The following CLSTN2 variants were observed in gnomAD, a reference collection of about 807,000 sequenced individuals.
CLSTN2 encodes the protein calsyntenin-2.
Under a neutral mutation model 101.2 loss-of-function variants are expected in CLSTN2, and 48 were observed. The observed-to-expected ratio is 0.47, with a 90% CI of 0.38 to 0.60. CLSTN2 has a LOEUF of 0.60. Ranked by LOEUF, CLSTN2 falls within the 20% of genes least tolerant of loss-of-function variation. The pLI, the probability that CLSTN2 is intolerant of heterozygous loss-of-function variation, is 0.00. For missense variants in CLSTN2, 1,160 were observed against 1,238.2 expected, an observed-to-expected ratio of 0.94 and a Z score of 0.95; for synonymous variants, 481 against 463.6, an observed-to-expected ratio of 1.04 and a Z score of -0.48.
intron 1 of CLSTN2, among the ~76,000 whole-genome samples, chr3:139,986,503 G>T (rs1452216935): frequency 6.6e-6 from 1 of 152,156 alleles, no homozygotes; most frequent in Admixed American, 6.6e-5. Flanking sequence ...GAGGGTGTTT[G>T]TTCAGTGCAA....
At chr3:140,308,841 TC>T (rs1156653752) in intron 2 of CLSTN2, among the ~76,000 whole-genome samples, 1 of 152,114 alleles carries the variant, frequency 6.6e-6, no homozygotes, top group East Asian at 1.9e-4. Context: ...CTTCCCATCC[TC>T]CCCCATTCTG....
chr3:140,509,496 A>G (rs1331839081), intron 8 of CLSTN2, among the ~76,000 whole-genome samples: 1 of 152,222 alleles, frequency 6.6e-6, no homozygotes, highest in Non-Finnish European at 1.5e-5. Context: ...TCCTGCTGAA[A>G]GAAGCCTGAT....
chr3:140,285,403 G>A (rs770012580), intron 2 of CLSTN2, among the ~76,000 whole-genome samples: 10 of 152,112 alleles, frequency 6.6e-5, no homozygotes, highest in African/African-American at 1.2e-4. Context: ...ATGCCCTCAC[G>A]CTTCAGGTCG....
chr3:140,404,501 G>T lies in CLSTN2; in HGVS notation c.429-57G>T, dbSNP rs1050964638. On this transcript the variant is annotated intron_variant, in intron 3 of 16. Transcript: ENST00000458420. ...CAGTCAGTGCCCCCAGGAGGTACAG[G>T]AGGTTGGTGTGACTCTTTCTTTACC... The T allele has an allele frequency of 9.8e-5, 148 of 1,514,206 alleles. No individual in the cohort carries two copies. In the African/African-American group the frequency reaches 1.6e-3, roughly 16 times the overall value. 93.8% of individuals were successfully genotyped at this position (1,514,206 alleles called of 1,614,324 possible).
intron 1 of CLSTN2, among the ~76,000 whole-genome samples, chr3:140,074,998 A>G (rs759322382): frequency 1.6e-4 from 24 of 152,176 alleles, no homozygotes; most frequent in Admixed American, 8.5e-4. Flanking sequence ...ATCCTGAAGT[A>G]GAGGCCAAGG....
intron 5 of CLSTN2, among the ~76,000 whole-genome samples, chr3:140,439,247 C>A (rs894452068): frequency 6.6e-6 from 1 of 152,260 alleles, no homozygotes; most frequent in African/African-American, 2.4e-5. Flanking sequence ...TGTCTTTACA[C>A]ACTGCCCTTA....
chr3:140,273,860 T>A (rs2086767612), intron 2 of CLSTN2, among the ~76,000 whole-genome samples: 1 of 152,106 alleles, frequency 6.6e-6, no homozygotes, highest in Non-Finnish European at 1.5e-5. Context: ...AGAATGTCCT[T>A]ACCTACTATG....
intron 1 of CLSTN2, among the ~76,000 whole-genome samples, chr3:139,997,393 T>C (rs1425236568): frequency 6.6e-6 from 1 of 152,220 alleles, no homozygotes; most frequent in Non-Finnish European, 1.5e-5. Flanking sequence ...AAATATGAGA[T>C]AAAGATGCAA....
chr3:140,147,528 A>T (rs920282333), intron 1 of CLSTN2, among the ~76,000 whole-genome samples: 1 of 152,192 alleles, frequency 6.6e-6, no homozygotes, highest in Admixed American at 6.5e-5. Flanking sequence ...TATTTGTAGC[A>T]TGGGGCAGAG....
At chr3:140,451,573 GA>G (rs1421238554) in intron 6 of CLSTN2, among the ~76,000 whole-genome samples, 8 of 152,150 alleles carry the variant, frequency 5.3e-5, no homozygotes. Flanking sequence ...AACTGCACTG[GA>G]GGAGAGCTCA....
chr3:140,402,182 A>G (rs763988465), intron 2 of CLSTN2, among the ~76,000 whole-genome samples: 6 of 152,228 alleles, frequency 3.9e-5, no homozygotes, highest in African/African-American at 7.2e-5. Context: ...CATGATTCCT[A>G]TATGTAAATC....
chr3:140,361,779 C>T (rs973322847), intron 2 of CLSTN2, among the ~76,000 whole-genome samples: 3 of 151,786 alleles, frequency 2.0e-5, no homozygotes, highest in Non-Finnish European at 2.9e-5. Flanking sequence ...AAAAGAAGTA[C>T]GACTTGTATA....
chr3:139,979,302 G>T (rs1052638569), intron 1 of CLSTN2, among the ~76,000 whole-genome samples: 5 of 152,194 alleles, frequency 3.3e-5, no homozygotes, highest in Non-Finnish European at 7.3e-5. Context: ...TTTCTCACCT[G>T]TTCACAGAGG....
intron 2 of CLSTN2, among the ~76,000 whole-genome samples, chr3:140,286,866 G>C (rs2086900106): frequency 6.6e-6 from 1 of 152,144 alleles, no homozygotes; most frequent in African/African-American, 2.4e-5. Context: ...TGTAGGAGTG[G>C]GAGGTAAGCG....
chr3:140,109,181 C>G (rs1560097300), intron 1 of CLSTN2, among the ~76,000 whole-genome samples: 2 of 152,010 alleles, frequency 1.3e-5, no homozygotes, highest in Admixed American at 6.6e-5. Context: ...TTTTCCTTGC[C>G]CCAATGTAAC....
intron 2 of CLSTN2, among the ~76,000 whole-genome samples, chr3:140,196,244 A>G (rs1216374218): frequency 6.6e-6 from 1 of 152,244 alleles, no homozygotes; most frequent in Admixed American, 6.5e-5. Flanking sequence ...GGTCATTGTC[A>G]GAGATGGCGG....
intron 2 of CLSTN2, among the ~76,000 whole-genome samples, chr3:140,388,033 A>T (rs77750468): frequency 0.038 from 5,787 of 152,308 alleles, 203 homozygotes; most frequent in African/African-American, 0.095. Flanking sequence ...GACAAGCACC[A>T]CGATTGCTTC....
intron 1 of CLSTN2, among the ~76,000 whole-genome samples, chr3:139,968,095 A>T (rs1935635013): frequency 6.6e-6 from 1 of 152,208 alleles, no homozygotes; most frequent in Non-Finnish European, 1.5e-5. Flanking sequence ...TGAGAAGCCC[A>T]AATAAGACTC....
At chr3:140,556,900 T>A in intron 11 of CLSTN2, 1 of 483,918 alleles carries the variant, frequency 2.1e-6, no homozygotes, top group Non-Finnish European at 3.7e-6. Context: ...TCTTATCTAA[T>A]GCCTAGAAGG....
Sources: gnomAD v4.1 joint callset for allele counts (sites outside exome capture counted in the v4.1 genomes callset) on GRCh38, gnomAD v4.1.1 for gene constraint, MANE v1.5 for transcripts, NCBI Gene and HGNC (gene_info 2026-07-23, HGNC 2026-07-21) for gene names.